CRPPA: variants seen among roughly 807,000 people sequenced by gnomAD.
CRPPA encodes the protein CDP-L-ribitol pyrophosphorylase A, also known as D-ribitol-5-phosphate cytidylyltransferase.
In CRPPA, 43 loss-of-function variants were observed where a neutral mutation model predicts 52.0. The observed-to-expected ratio is 0.83, with a 90% CI of 0.65 to 1.07. The LOEUF is 1.07. CRPPA is among the 50% of genes least tolerant of loss of function. The pLI is 0.00. For synonymous variants in CRPPA, 250 were observed against 203.5 expected (o/e 1.23, Z -1.94); for missense variants, 629 against 551.7 (o/e 1.14, Z -1.40).
chr7:16,283,351 A>T (rs1784357536), intron 5 of CRPPA, among the ~76,000 whole-genome samples: 1 of 150,528 alleles, frequency 6.6e-6, no homozygotes, highest in Admixed American at 6.6e-5. Context: ...TTATTTAATA[A>T]CTTCCCAACT....
chr7:16,119,833 G>A (rs2128369436), intron 9 of CRPPA, among the ~76,000 whole-genome samples: 1 of 152,312 alleles, frequency 6.6e-6, no homozygotes, highest in Non-Finnish European at 1.5e-5. Context: ...ATGCCAGGAA[G>A]ACAACTAAGA....
intron 9 of CRPPA, among the ~76,000 whole-genome samples, chr7:16,094,367 C>T (rs1041713118): frequency 2.0e-5 from 3 of 152,122 alleles, no homozygotes; most frequent in African/African-American, 4.8e-5. Flanking sequence ...ATTAGATAGT[C>T]ACACAATTCA....
intron 9 of CRPPA, among the ~76,000 whole-genome samples, chr7:16,139,351 T>C (rs889606101): frequency 4.0e-4 from 61 of 152,142 alleles, no homozygotes; most frequent in African/African-American, 1.5e-3. Context: ...CATGCCAGAA[T>C]TTGTCTAAGG....
chr7:16,217,079 C>T (rs570952309), intron 8 of CRPPA, among the ~76,000 whole-genome samples: 45 of 150,116 alleles, frequency 3.0e-4, no homozygotes, highest in Admixed American at 2.7e-4. Flanking sequence ...TCTCCCAGCA[C>T]GCAGCTGGAG....
rs758565814 is a variant in CRPPA, at chr7:16,216,217, G to A, written c.1120-20C>T. 1.3e-6 allele frequency: 2 copies of A among 1,493,856 alleles called. No homozygotes were observed. The highest frequency in any genetic ancestry group is 1.4e-5 in the African/African-American group (1 of 71,086). 92.5% of individuals were successfully genotyped at this position (1,493,856 alleles called of 1,614,324 possible). A position where few individuals can be genotyped will look rare whatever the true frequency, so the allele number is the denominator to read the frequency against. Reference sequence around the variant, plus strand: ...ATGAACCTGCAAAATATAAAAGACAGTATTTAGAATATCATTCCCTTCAAC... The same window carrying A: ...ATGAACCTGCAAAATATAAAAGACAATATTTAGAATATCATTCCCTTCAAC... On this transcript the variant is annotated intron_variant, in intron 8 of 9. Transcript: ENST00000407010.
chr7:16,172,247 T>C (rs1229102479), intron 9 of CRPPA, among the ~76,000 whole-genome samples: 1 of 152,144 alleles, frequency 6.6e-6, no homozygotes, highest in East Asian at 1.9e-4. Context: ...ACTAAGGAGC[T>C]TGGTGTTCAT....
chr7:16,258,348 G>T, intron 8 of CRPPA, 42 bp downstream of exon 8: 1 of 1,208,396 alleles, frequency 8.3e-7, no homozygotes. Flanking sequence ...TTACAAAGAA[G>T]GAAGCATAAG....
At chr7:16,112,331 A>G (rs1392936041) in intron 9 of CRPPA, among the ~76,000 whole-genome samples, 3 of 152,180 alleles carry the variant, frequency 2.0e-5, no homozygotes, top group Non-Finnish European at 4.4e-5. Flanking sequence ...GGAAAAAAAA[A>G]AAGTCAATTT....
chr7:16,371,385 A>G (rs1786744889), intron 3 of CRPPA, among the ~76,000 whole-genome samples: 1 of 152,156 alleles, frequency 6.6e-6, no homozygotes, highest in African/African-American at 2.4e-5. Flanking sequence ...CCAAGTACCC[A>G]ACTCCTACAA....
rs143648940 is a variant in CRPPA at position 16,376,039 on chromosome 7, T to A, written c.684+53A>T. On this transcript the variant is annotated intron_variant, in intron 3 of 9. Coordinates refer to ENST00000407010, the MANE Select transcript of CRPPA (RefSeq NM_001101426.4). ...CTGGAAATTCTCCAAATGTGGAGGT[T>A]GTTTGGGGAACCTGACATAACAGCA... The A allele has an allele frequency of 1.2e-4, 189 of 1,519,030 alleles. 1 individual carries two copies. The African/African-American group carries it at 2.2e-3, about 18-fold the overall frequency. 94.1% of individuals were successfully genotyped at this position (1,519,030 alleles called of 1,614,324 possible).
chr7:16,388,348 CT>C (rs1787348311), intron 2 of CRPPA, among the ~76,000 whole-genome samples: 1 of 151,868 alleles, frequency 6.6e-6, no homozygotes. Flanking sequence ...CTTGAAAATA[CT>C]TTTAAATGAA....
intron 8 of CRPPA, among the ~76,000 whole-genome samples, chr7:16,231,458 G>A (rs549679601): frequency 3.3e-5 from 5 of 152,218 alleles, no homozygotes. Flanking sequence ...AACAAAAGCA[G>A]TGCTTATATA....
chr7:16,238,020 G>A (rs1782997455), intron 8 of CRPPA, among the ~76,000 whole-genome samples: 1 of 152,160 alleles, frequency 6.6e-6, no homozygotes, highest in Non-Finnish European at 1.5e-5. Context: ...TTAGATGGTA[G>A]ATAGAAGGGA....
At chr7:16,137,773 C>A (rs1782789311) in intron 9 of CRPPA, among the ~76,000 whole-genome samples, 1 of 152,038 alleles carries the variant, frequency 6.6e-6, no homozygotes, top group Non-Finnish European at 1.5e-5. Flanking sequence ...CTACAGAAAA[C>A]TATCTTGGGA....
chr7:16,383,029 T>C (rs1240253773), intron 2 of CRPPA, among the ~76,000 whole-genome samples: 1 of 152,250 alleles, frequency 6.6e-6, no homozygotes, highest in Non-Finnish European at 1.5e-5. Context: ...GTTCCATTGC[T>C]GGTGAGGAAC....
At chr7:16,209,038 T>C (rs181113805) in intron 9 of CRPPA, 42 of 439,758 alleles carry the variant, frequency 9.6e-5, no homozygotes, top group Admixed American at 1.8e-4. Context: ...GGGCAAGGAT[T>C]TTCTGTATGC....
At chr7:16,369,772 T>A (rs1786700620) in intron 3 of CRPPA, among the ~76,000 whole-genome samples, 1 of 152,116 alleles carries the variant, frequency 6.6e-6, no homozygotes, top group African/African-American at 2.4e-5. Context: ...GTGATTTTTT[T>A]TTCCCCCAAG....
At chr7:16,352,879 GCACACACACACACACACACACACACACA>G (rs56733439) in intron 3 of CRPPA, among the ~76,000 whole-genome samples, 4 of 142,426 alleles carry the variant, frequency 2.8e-5, no homozygotes, top group Non-Finnish European at 6.1e-5. Context: ...AAGTAACATG[GCACACACACACACACACACACACACACA>G]CACACACACA....
At chr7:16,303,399 G>C (rs1330460492) in intron 4 of CRPPA, among the ~76,000 whole-genome samples, 1 of 147,042 alleles carries the variant, frequency 6.8e-6, no homozygotes, top group African/African-American at 2.5e-5. Flanking sequence ...GGCACGGTAA[G>C]GTAATAATAC....
Sources: allele counts gnomAD v4.1 joint callset (sites outside exome capture counted in the v4.1 genomes callset), GRCh38; gene constraint gnomAD v4.1.1; transcripts MANE v1.5; gene names NCBI Gene and HGNC (gene_info 2026-07-23, HGNC 2026-07-21).